Variants in HELB observed in about 807,000 individuals in gnomAD.
HELB encodes the protein DNA 5'-3' helicase B.
HELB carries 96 observed loss-of-function variants against 101.7 expected under a neutral mutation model. The ratio of observed to expected loss-of-function variants is 0.94; its 90% CI spans 0.80 to 1.12. The LOEUF (loss-of-function observed/expected upper bound fraction) is 1.12, where lower values mean the gene tolerates loss of function less well. HELB is among the 50% of genes most tolerant of loss of function. The pLI, the probability that HELB is intolerant of heterozygous loss-of-function variation, is 0.00. For missense variants in HELB, 1,210 were observed against 1,291.9 expected, an observed-to-expected ratio of 0.94 and a Z score of 0.97; for synonymous variants, 437 against 459.7, an observed-to-expected ratio of 0.95 and a Z score of 0.63.
chr12:66,327,035 C>CAAAA lies in HELB; in HGVS notation c.2670+1938_2670+1941dup, dbSNP rs756031862. On this transcript the variant is annotated intron_variant, in intron 11 of 12. Transcript: ENST00000247815. ...TGGGCAACAGAGGGAGACTTCATCT[C>CAAAA]AAAAAAAAAAAAAAAAAAAAAAAAA... Among the ~76,000 whole-genome samples the CAAAA allele has an allele frequency of 1.1e-3, 45 of 41,694 alleles. 1 individual carries two copies. The highest frequency in any genetic ancestry group is 2.8e-3 in the South Asian group (2 of 704). The allele number at this position is 41,694 out of a possible 152,430, so 27.4% of individuals were successfully genotyped here. A position where few individuals can be genotyped will look rare whatever the true frequency, so the allele number is the denominator to read the frequency against.
At chr12:66,324,571 T>C (rs2053713464) in intron 10 of HELB, 2 of 251,512 alleles carry the variant, frequency 8.0e-6, no homozygotes, top group South Asian at 1.2e-4. Flanking sequence ...CCTTTGTTGC[T>C]GCTTAAATGT....
At chr12:66,338,642 CA>C (rs761931143), downstream of HELB, 24 of 135,434 alleles carry the variant, frequency 1.8e-4, no homozygotes, top group Admixed American at 4.4e-4. Context: ...ACTCCGTCTC[CA>C]AAAAAAAAAC....
At chr12:66,313,669 A>G (rs2053568109) in intron 4 of HELB, among the ~76,000 whole-genome samples, 1 of 152,082 alleles carries the variant, frequency 6.6e-6, no homozygotes, top group Admixed American at 6.6e-5. Flanking sequence ...TGGTTGGGAG[A>G]AGGGAAGAGC....
intron 2 of HELB, among the ~76,000 whole-genome samples, chr12:66,305,578 C>T (rs1482735955): frequency 6.6e-6 from 1 of 151,636 alleles, no homozygotes; most frequent in Non-Finnish European, 1.5e-5. Flanking sequence ...CTTGTCTCTA[C>T]AAAAAATTTT....
chr12:66,327,054 A>ATATATATATATATAT (rs2053748049), intron 11 of HELB, among the ~76,000 whole-genome samples: 1 of 126,998 alleles, frequency 7.9e-6, no homozygotes, highest in African/African-American at 3.5e-5. Flanking sequence ...AAAAAAAAAA[A>ATATATATATATATAT]AAAAAAAAAA....
rs149656130 is a variant in HELB at position 66,308,203 on chromosome 12, A to T, written c.778-1503A>T. Among the ~76,000 whole-genome samples the T allele has an allele frequency of 9.4e-3, 1,424 of 152,238 alleles. 28 individuals carry two copies. Among genetic ancestry groups the T allele is most frequent in the African/African-American group, 0.032 (1,312 of 41,544 alleles). ...TACTGCTTCCCACCCTAGCAAGAGG[A>T]TAGAGGTTTCTCTTGCCTGATGCCA... On this transcript the variant is annotated intron_variant, in intron 3 of 12. Coordinates refer to ENST00000247815, the MANE Select transcript of HELB (RefSeq NM_001370285.1).
intron 3 of HELB, among the ~76,000 whole-genome samples, chr12:66,308,071 G>A (rs1490905363): frequency 1.4e-5 from 2 of 138,236 alleles, no homozygotes; most frequent in African/African-American, 2.6e-5. Context: ...AAAAATTAAA[G>A]CATTACATAT....
chr12:66,322,581 AAG>A, intron 8 of HELB, 141 bp from the exon 9 acceptor site: 1 of 468,276 alleles, frequency 2.1e-6, no homozygotes, highest in Non-Finnish European at 3.7e-6. Context: ...AAAAAAAAAA[AAG>A]ATAAAAAGTA....
intron 6 of HELB, among the ~76,000 whole-genome samples, chr12:66,316,951 G>A (rs914290999): frequency 6.7e-6 from 1 of 150,362 alleles, no homozygotes; most frequent in Non-Finnish European, 1.5e-5. Context: ...CCTGGAAGGC[G>A]GAGATTGCAG....
At chr12:66,306,281 C>A in intron 2 of HELB, 64 bp from the exon 3 acceptor site, 1 of 1,272,634 alleles carries the variant, frequency 7.9e-7, no homozygotes, top group Non-Finnish European at 1.1e-6. Flanking sequence ...TGAGAAAGTA[C>A]TTCAAATCAG....
At position 66,310,129 on chromosome 12, in the gene HELB, G is replaced by A. The variant is rs1048697145; in HGVS notation, c.1201G>A (p.Ala401Thr). ...AAAACCTGAGAATTCAAGCGATGATGCATTGAATGAGAGCAAACCTGATGA... is the reference window on the plus strand; with the variant it reads ...AAAACCTGAGAATTCAAGCGATGATACATTGAATGAGAGCAAACCTGATGA... ...TTKPENSSDD[A>T]LNESKPDEVR... The change falls in exon 4 of 13, where the codon GCA (alanine) becomes ACA (threonine). Residue 401 changes from alanine to threonine, a missense_variant. Physicochemically the swap from Ala to Thr is moderately conservative, Grantham distance 58. This residue lies in a region of HELB where 470 missense variants were observed against 563.1 expected (regional missense o/e 0.83). Transcript: ENST00000247815. 1.9e-6 allele frequency: 3 copies of A among 1,614,074 alleles called. No individual in the cohort carries two copies. The highest frequency in any genetic ancestry group is 3.3e-5 in the Admixed American group (2 of 60,012).
chr12:66,308,321 C>T (rs1190857370), intron 3 of HELB, among the ~76,000 whole-genome samples: 1 of 152,032 alleles, frequency 6.6e-6, no homozygotes, highest in East Asian at 1.9e-4. Flanking sequence ...GGGAACAGTC[C>T]CCTCCCTCCC....
intron 7 of HELB, among the ~76,000 whole-genome samples, chr12:66,320,606 T>G (rs1031000083): frequency 2.0e-5 from 3 of 152,214 alleles, no homozygotes; most frequent in Non-Finnish European, 4.4e-5. Context: ...GAGAATGTAC[T>G]TTTAAAAAAA....
rs547827901 is a variant in HELB, at chr12:66,305,642, G to A, written c.607+492G>A. On this transcript the variant is annotated intron_variant, in intron 2 of 12. Transcript: ENST00000247815. ...TACCTGTAGTCCCAGCTACTTGGGA[G>A]GATGAGGCAGGAGGATCACTTGAGC... Among the ~76,000 whole-genome samples, 6 of 152,146 alleles carry A rather than the reference G, an allele frequency of 3.9e-5. No individual in the cohort carries two copies. The South Asian group carries it at 1.2e-3, about 32-fold the overall frequency.
intron 1 of HELB, among the ~76,000 whole-genome samples, chr12:66,303,086 C>CTTTT (rs74262414): frequency 6.4e-5 from 8 of 125,586 alleles, no homozygotes; most frequent in Non-Finnish European, 1.2e-4. Context: ...GCGGGTTGCC[C>CTTTT]TTTTTTTTTT....
chr12:66,341,642 G>A (rs1462406409), downstream of HELB: 1 of 152,040 alleles, frequency 6.6e-6, no homozygotes, highest in Non-Finnish European at 1.5e-5. Flanking sequence ...TATCTGATAT[G>A]GTTTGGCTCT....
At chr12:66,312,032 C>G (rs1488898085) in intron 4 of HELB, among the ~76,000 whole-genome samples, 2 of 152,142 alleles carry the variant, frequency 1.3e-5, no homozygotes, top group Non-Finnish European at 2.9e-5. Context: ...TGGAATGAAG[C>G]CTGTGTCTGA....
Position 66,318,796 on chromosome 12 carries a change from A to G in HELB, c.2155+4A>G, listed in dbSNP as rs1237715677. On this transcript the variant is annotated splice_donor_region_variant and intron_variant, in intron 7 of 12. Transcript: ENST00000247815. ...TCTAAAACTAATCATCACTCTTGTA[A>G]GTATAAACTTCTATGAGATGTAGAG... 3.8e-6 allele frequency: 6 copies of G among 1,593,222 alleles called. No homozygotes were observed. The highest frequency in any genetic ancestry group is 1.4e-5 in the African/African-American group (1 of 73,790).
Position 66,324,036 on chromosome 12 carries a change from G to T in HELB, c.2351G>T (p.Arg784Met). ...FGIGDKICCTRNAYLSDLLPE... is the reference protein window; with the variant it reads ...FGIGDKICCTMNAYLSDLLPE... ...ATTGGTGATAAAATTTGTTGTACCA[G>T]GAATGCATACCTCTCAGACTTACTA... The change falls in exon 10 of 13, where the codon AGG becomes ATG. Residue 784 changes from arginine to methionine, a missense_variant. Arg to Met is a moderately conservative substitution (Grantham distance 91). Transcript: ENST00000247815. 1.9e-6 allele frequency: 3 copies of T among 1,613,556 alleles called. No individual in the cohort carries two copies. The highest frequency in any genetic ancestry group is 2.5e-6 in the Non-Finnish European group (3 of 1,179,700).
Sources: gnomAD v4.1 joint callset for allele counts (sites outside exome capture counted in the v4.1 genomes callset) on GRCh38, gnomAD v4.1.1 for gene constraint, gnomAD v4.1.1 regional missense constraint, MANE v1.5 for transcripts, NCBI Gene and HGNC (gene_info 2026-07-23, HGNC 2026-07-21) for gene names.